The following FHIT variants were observed in gnomAD, a reference collection of about 807,000 sequenced individuals.
The protein encoded by FHIT is fragile histidine triad diadenosine triphosphatase.
Under a neutral mutation model 17.9 loss-of-function variants are expected in FHIT, and 19 were observed. The ratio of observed to expected loss-of-function variants is 1.06; its 90% CI spans 0.74 to 1.56. The LOEUF (loss-of-function observed/expected upper bound fraction) is 1.56, where lower values mean the gene tolerates loss of function less well. Ranked by LOEUF, FHIT falls within the 40% of genes most tolerant of loss-of-function variation. The pLI, the probability that FHIT is intolerant of heterozygous loss-of-function variation, is 0.00. For synonymous variants in FHIT, 81 were observed against 69.7 expected, an observed-to-expected ratio of 1.16 and a Z score of -0.81; for missense variants, 248 against 189.2, an observed-to-expected ratio of 1.31 and a Z score of -1.82.
At chr3:60,953,237 G>A (rs1304290624) in intron 3 of FHIT, among the ~76,000 whole-genome samples, 4 of 152,144 alleles carry the variant, frequency 2.6e-5, no homozygotes, top group Non-Finnish European at 5.9e-5. Context: ...TTGAGTGACT[G>A]TCATTTTATA....
intron 5 of FHIT, among the ~76,000 whole-genome samples, chr3:60,130,984 C>CATATATACACATATATACACATGTGT (rs1699548115): frequency 1.1e-5 from 1 of 90,086 alleles, no homozygotes. Flanking sequence ...TATATATACA[C>CATATATACACATATATACACATGTGT]ATATATACAC....
chr3:60,725,189 AG>A (rs1249356330), intron 4 of FHIT, among the ~76,000 whole-genome samples: 1 of 152,120 alleles, frequency 6.6e-6, no homozygotes, highest in Non-Finnish European at 1.5e-5. Context: ...TCTATCTCCA[AG>A]TTTCTTATCA....
chr3:60,971,431 A>T (rs1450492615), intron 3 of FHIT, among the ~76,000 whole-genome samples: 2 of 152,154 alleles, frequency 1.3e-5, no homozygotes, highest in Admixed American at 1.3e-4. Flanking sequence ...TTTTATAGGT[A>T]TTTTGAAATC....
intron 5 of FHIT, among the ~76,000 whole-genome samples, chr3:60,237,641 C>T (rs1704875350): frequency 6.6e-6 from 1 of 152,132 alleles, no homozygotes; most frequent in African/African-American, 2.4e-5. Context: ...TTCCACAAAG[C>T]GCTCCACTGA....
chr3:60,664,836 C>A (rs2040345804), intron 4 of FHIT, among the ~76,000 whole-genome samples: 1 of 150,776 alleles, frequency 6.6e-6, no homozygotes, highest in Non-Finnish European at 1.5e-5. Context: ...TTCCTATTTC[C>A]TTCCTGGTAT....
intron 5 of FHIT, among the ~76,000 whole-genome samples, chr3:60,069,681 T>C (rs1702679483): frequency 6.6e-6 from 1 of 152,232 alleles, no homozygotes; most frequent in Non-Finnish European, 1.5e-5. Context: ...GTAAAGTTTC[T>C]TCTTGGAAAG....
intron 7 of FHIT, among the ~76,000 whole-genome samples, chr3:59,970,760 G>A (rs1286286801): frequency 1.3e-5 from 2 of 151,808 alleles, no homozygotes; most frequent in South Asian, 4.2e-4. Context: ...TTTCATACAA[G>A]CTGTCTCGTC....
chr3:60,982,689 G>GT (rs1179326572), intron 3 of FHIT, among the ~76,000 whole-genome samples: 1 of 152,122 alleles, frequency 6.6e-6, no homozygotes, highest in East Asian at 1.9e-4. Flanking sequence ...CATTTCCTTC[G>GT]TATCACTTGT....
At chr3:60,786,200 C>T (rs1038339051) in intron 4 of FHIT, among the ~76,000 whole-genome samples, 4 of 152,116 alleles carry the variant, frequency 2.6e-5, no homozygotes, top group Non-Finnish European at 5.9e-5. Flanking sequence ...AGCCAAGTTG[C>T]TTAACTACTT....
intron 7 of FHIT, among the ~76,000 whole-genome samples, chr3:59,972,214 C>G (rs915974712): frequency 6.6e-6 from 1 of 152,102 alleles, no homozygotes; most frequent in Non-Finnish European, 1.5e-5. Flanking sequence ...AAAGTAAATA[C>G]TCTAGAGTTT....
chr3:60,578,199 G>A (rs1204596519), intron 4 of FHIT, among the ~76,000 whole-genome samples: 1 of 152,076 alleles, frequency 6.6e-6, no homozygotes, highest in Non-Finnish European at 1.5e-5. Flanking sequence ...AGCACTTTGG[G>A]AGGCCGAGGT....
intron 3 of FHIT, among the ~76,000 whole-genome samples, chr3:60,849,329 T>C (rs1051588417): frequency 2.6e-5 from 4 of 151,680 alleles, no homozygotes; most frequent in African/African-American, 9.7e-5. Context: ...CCATTTAGGA[T>C]TGTTGTCAAT....
intron 3 of FHIT, among the ~76,000 whole-genome samples, chr3:60,918,164 C>A (rs1225613732): frequency 6.6e-6 from 1 of 152,224 alleles, no homozygotes; most frequent in Non-Finnish European, 1.5e-5. Context: ...GCATGCCTTT[C>A]TCCTCCTTTG....
chr3:60,173,373 C>G (rs1279187041), intron 5 of FHIT, among the ~76,000 whole-genome samples: 1 of 152,110 alleles, frequency 6.6e-6, no homozygotes, highest in Non-Finnish European at 1.5e-5. Context: ...TCTGAGTCAG[C>G]CACCCTGGTA....
At chr3:60,733,451 T>C (rs1385746353) in intron 4 of FHIT, among the ~76,000 whole-genome samples, 1 of 152,200 alleles carries the variant, frequency 6.6e-6, no homozygotes, top group African/African-American at 2.4e-5. Context: ...TGTTTTGTTT[T>C]GTTTTGTTTT....
chr3:60,007,190 T>C (rs1389475833), intron 7 of FHIT, among the ~76,000 whole-genome samples: 2 of 152,114 alleles, frequency 1.3e-5, no homozygotes, highest in Non-Finnish European at 1.5e-5. Context: ...AACATACCAA[T>C]TGTTCTAAAA....
At chr3:60,313,119 C>T (rs906189497) in intron 5 of FHIT, among the ~76,000 whole-genome samples, 4 of 152,176 alleles carry the variant, frequency 2.6e-5, no homozygotes, top group Admixed American at 2.0e-4. Context: ...ATTCCTAAGG[C>T]CATACTCCTA....
intron 4 of FHIT, among the ~76,000 whole-genome samples, chr3:60,629,011 C>A (rs1385401717): frequency 1.3e-5 from 2 of 152,042 alleles, no homozygotes; most frequent in African/African-American, 2.4e-5. Context: ...GGGACTGGGG[C>A]CTCAATATTC....
At chr3:60,785,466 C>T (rs1700534760) in intron 4 of FHIT, among the ~76,000 whole-genome samples, 1 of 152,082 alleles carries the variant, frequency 6.6e-6, no homozygotes, top group Non-Finnish European at 1.5e-5. Flanking sequence ...TTCATTTTGC[C>T]AACATTCACT....
Sources: allele counts gnomAD v4.1 joint callset (sites outside exome capture counted in the v4.1 genomes callset), GRCh38; gene constraint gnomAD v4.1.1; transcripts MANE v1.5; gene names NCBI Gene and HGNC (gene_info 2026-07-23, HGNC 2026-07-21).